Variants in IRAG1 observed in about 807,000 individuals in gnomAD.
IRAG1 encodes IP3R-associated cGMP kinase substrate.
Under a neutral mutation model 106.2 loss-of-function variants are expected in IRAG1, and 62 were observed. The ratio of observed to expected loss-of-function variants is 0.58; its 90% CI spans 0.48 to 0.72. IRAG1 has a LOEUF of 0.72. Among genes scored for constraint, IRAG1 ranks in the 30% least tolerant of loss-of-function variants. IRAG1 has a pLI of 0.00. For missense variants in IRAG1, 1,064 were observed against 1,140.7 expected (o/e 0.93, Z 0.97); for synonymous variants, 462 against 443.9 (o/e 1.04, Z -0.51).
rs1243423465 is a variant in IRAG1, at chr11:10,594,152, C to T, written c.2061G>A (p.Leu687=). ...PRTARSMSLT[L]GKNMPRRRVS... ...ATTCCTTGAACATGCATACCTTTCC[C>T]AGCGTGAGGGACATGGACCGTGCCG... Residue 687 remains leucine (L), a synonymous_variant, in exon 16 of 21, where the codon CTG becomes CTA. Coordinates refer to ENST00000423302, the MANE Select transcript of IRAG1 (RefSeq NM_130385.4). The T allele has an allele frequency of 9.9e-6, 16 of 1,608,294 alleles. No homozygotes were observed. Among genetic ancestry groups the T allele is most frequent in the African/African-American group, 4.0e-5 (3 of 74,966 alleles).
At position 10,628,849 on chromosome 11, in the gene IRAG1, T is replaced by C; in HGVS notation, c.575-21A>G. 6.4e-7 allele frequency: 1 copy of C among 1,565,166 alleles called. No homozygotes were observed. Among genetic ancestry groups the C allele is most frequent in the Non-Finnish European group, 8.6e-7 (1 of 1,156,162 alleles). On this transcript the variant is annotated intron_variant, in intron 5 of 20. Transcript: ENST00000423302. This position sits in a 1 kb window ranked among gnomAD's most constrained non-coding sequence, Gnocchi z 4.1. ...AACAGCTGTGAAGACAGACACAAAT[T>C]GGCTGGCATTCATGAAGGTTTAGGA...
rs1856253033 is a variant in IRAG1 at position 10,626,479 on chromosome 11, A to C, written c.855T>G (p.Ile285Met). The C allele has an allele frequency of 1.2e-6, 2 of 1,613,596 alleles. No homozygotes were observed. Among genetic ancestry groups the C allele is most frequent in the Admixed American group, 1.7e-5 (1 of 59,996 alleles). The stretch of plus-strand genomic sequence containing the variant: ...CGAAGTTTTCCTTTTGTTCTATTGC[A>C]ATCTCTTTGGACTTCTCAACTGGAG... ...RPPPVEKSKE[I>M]AIEQKENFDP... The change falls in exon 9 of 21, where the codon ATT becomes ATG. Residue 285 changes from isoleucine (I) to methionine (M), a missense_variant. Physicochemically the swap from Ile to Met is conservative, Grantham distance 10 (BLOSUM62 1). Coordinates refer to ENST00000423302, the MANE Select transcript of IRAG1 (RefSeq NM_130385.4).
intron 19 of IRAG1, among the ~76,000 whole-genome samples, chr11:10,580,930 G>A (rs1460051260): frequency 6.6e-6 from 1 of 152,218 alleles, no homozygotes; most frequent in Non-Finnish European, 1.5e-5. Context: ...TGGAGCTTCA[G>A]CCTCTCATCT....
At chr11:10,611,625 C>T (rs956207667) in intron 10 of IRAG1, 1 of 151,998 alleles carries the variant, frequency 6.6e-6, no homozygotes, top group African/African-American at 2.4e-5. Context: ...CTCTAAGATA[C>T]AAGAAAAGGC....
chr11:10,636,717 T>C (rs1857171378), intron 2 of IRAG1, among the ~76,000 whole-genome samples: 1 of 152,114 alleles, frequency 6.6e-6, no homozygotes, highest in East Asian at 1.9e-4. Context: ...CTGTGAAAGC[T>C]CAGAGGAAGG....
chr11:10,635,282 C>T (rs1480238718), intron 2 of IRAG1, among the ~76,000 whole-genome samples: 1 of 152,198 alleles, frequency 6.6e-6, no homozygotes, highest in Non-Finnish European at 1.5e-5. Context: ...CTCCTTCCCA[C>T]CCCCTTGACT....
intron 18 of IRAG1, 41 bp from the exon 19 acceptor site, chr11:10,582,027 A>C (rs1304972784): frequency 1.9e-6 from 3 of 1,579,214 alleles, no homozygotes; most frequent in Admixed American, 1.8e-5. Context: ...TTTCAGAAAA[A>C]GGTGGAGGCC....
chr11:10,675,378 G>C (rs1376021244), intron 1 of IRAG1, among the ~76,000 whole-genome samples: 1 of 152,170 alleles, frequency 6.6e-6, no homozygotes, highest in Non-Finnish European at 1.5e-5. Flanking sequence ...TCCCAAACAG[G>C]AAATGCTAAT....
chr11:10,693,639 G>T lies in IRAG1; in HGVS notation c.-37C>A. 6.5e-7 allele frequency: 1 copy of T among 1,533,632 alleles called. No homozygotes were observed. The highest frequency in any genetic ancestry group is 8.7e-7 in the Non-Finnish European group (1 of 1,146,480). The stretch of plus-strand genomic sequence containing the variant: ...GTTACATCTGGCTCCGGAGCTCAGA[G>T]CCGAGAAGCCTCTGGCTGCAGAACC... On this transcript the variant is annotated 5_prime_UTR_variant, in exon 1 of 21. Coordinates refer to ENST00000423302, the MANE Select transcript of IRAG1 (RefSeq NM_130385.4).
Position 10,576,168 on chromosome 11 carries a change from T to G in IRAG1, c.*164A>C. On this transcript the variant is annotated 3_prime_UTR_variant, in exon 21 of 21. Transcript: ENST00000423302. ...ATCCTCCAAGAACATCAAGTCACTG[T>G]GTATGAATAGCTCCCACAGAAGTGC... 1 of 855,712 alleles carries G rather than the reference T, an allele frequency of 1.2e-6. No homozygotes were observed. The allele number at this position is 855,712 out of a possible 1,614,324, so 53.0% of individuals were successfully genotyped here. A position where few individuals can be genotyped will look rare whatever the true frequency, so the allele number is the denominator to read the frequency against.
At position 10,628,490 on chromosome 11, in the gene IRAG1, C is replaced by G. The variant is rs755477075; in HGVS notation, c.652+261G>C. Among the ~76,000 whole-genome samples the G allele has an allele frequency of 7.6e-4, 115 of 152,212 alleles. No homozygotes were observed. The highest frequency in any genetic ancestry group is 1.3e-3 in the Non-Finnish European group (88 of 68,024). On this transcript the variant is annotated intron_variant, in intron 6 of 20. Coordinates refer to ENST00000423302, the MANE Select transcript of IRAG1 (RefSeq NM_130385.4). The surrounding 1 kb of genome is among the most constrained non-coding windows in gnomAD (Gnocchi z 4.1). ...GAGCCAGAGAGGCTGTCCTAGTCCC[C>G]TTTCCCACCCAGCCTTCCTGACCCT...
Position 10,629,566 on chromosome 11 carries a change from G to A in IRAG1, c.546C>T (p.Ser182=), listed in dbSNP as rs746193374. 1 of 1,613,938 alleles carries A rather than the reference G, an allele frequency of 6.2e-7. No homozygotes were observed. The highest frequency in any genetic ancestry group is 1.7e-5 in the Admixed American group (1 of 60,022). ...ERFLTRRGRK[S]RSSPGDSPSA... ...ATGGGGAGTCTCCGGGGCTGCTCCT[G>A]GACTTCCTCCCACGGCGGGTCAGGA... is the stretch of plus-strand genomic sequence containing the variant. Residue 182 remains serine (S), a synonymous_variant, in exon 5 of 21, where the codon TCC becomes TCT. Transcript: ENST00000423302.
intron 1 of IRAG1, among the ~76,000 whole-genome samples, chr11:10,656,371 G>A (rs1370597600): frequency 6.6e-6 from 1 of 152,186 alleles, no homozygotes; most frequent in African/African-American, 2.4e-5. Context: ...TTACAGGCCG[G>A]GAAACTGAGG....
chr11:10,646,497 C>T (rs1043598836), intron 2 of IRAG1, among the ~76,000 whole-genome samples: 2 of 152,124 alleles, frequency 1.3e-5, no homozygotes, highest in African/African-American at 4.8e-5. Context: ...TATTTCTGAG[C>T]CAAAACAGGA....
At chr11:10,608,568 A>C (rs1480598131) in intron 11 of IRAG1, among the ~76,000 whole-genome samples, 1 of 152,208 alleles carries the variant, frequency 6.6e-6, no homozygotes, top group African/African-American at 2.4e-5. Flanking sequence ...AAATGGGCAT[A>C]GGTACCCGGG....
At position 10,627,771 on chromosome 11, in the gene IRAG1, A is replaced by G; in HGVS notation, c.706-11T>C. On this transcript the variant is annotated splice_polypyrimidine_tract_variant and intron_variant, in intron 7 of 20. Coordinates refer to ENST00000423302, the MANE Select transcript of IRAG1 (RefSeq NM_130385.4). ...GGCCTCATCCCCCTTCTGCTGGAGA[A>G]GGTGAACAGGAGTCAGTCAGCAATG... The G allele has an allele frequency of 6.2e-7, 1 of 1,613,976 alleles. No individual in the cohort carries two copies. The highest frequency in any genetic ancestry group is 8.5e-7 in the Non-Finnish European group (1 of 1,179,882).
chr11:10,693,606 AG>A lies in IRAG1; in HGVS notation c.-5del, dbSNP rs898158563. ...CACTCTGGGGAGCTTTTACCATTTAAGGTCAATGTTACATCTGGCTCCGGAG... is the reference window on the plus strand; with the variant it reads ...CACTCTGGGGAGCTTTTACCATTTAAGTCAATGTTACATCTGGCTCCGGAG... On this transcript the variant is annotated 5_prime_UTR_variant, in exon 1 of 21. Transcript: ENST00000423302. 1 of 1,534,818 alleles carries A rather than the reference AG, an allele frequency of 6.5e-7. No individual in the cohort carries two copies. The highest frequency in any genetic ancestry group is 8.7e-7 in the Non-Finnish European group (1 of 1,146,872).
At chr11:10,633,183 T>C (rs1370912335) in intron 3 of IRAG1, among the ~76,000 whole-genome samples, 2 of 150,706 alleles carry the variant, frequency 1.3e-5, no homozygotes, top group Non-Finnish European at 3.0e-5. Flanking sequence ...CACGCCATTC[T>C]CCTGCCTCAG....
rs558098341 is a variant in IRAG1, at chr11:10,633,200, G to A, written c.329+768C>T. Among the ~76,000 whole-genome samples, 34 of 150,630 alleles carry A rather than the reference G, an allele frequency of 2.3e-4. 1 individual carries two copies. Among genetic ancestry groups the A allele is most frequent in the East Asian group, 5.9e-4 (3 of 5,074 alleles). On this transcript the variant is annotated intron_variant, in intron 3 of 20. Coordinates refer to ENST00000423302, the MANE Select transcript of IRAG1 (RefSeq NM_130385.4). ...CGCCATTCTCCTGCCTCAGCCTCCCGAGTAGCTGGGACTACAGGCGCCCGC... is the reference window on the plus strand; with the variant it reads ...CGCCATTCTCCTGCCTCAGCCTCCCAAGTAGCTGGGACTACAGGCGCCCGC...
Sources: allele counts gnomAD v4.1 joint callset (sites outside exome capture counted in the v4.1 genomes callset), GRCh38; gene constraint gnomAD v4.1.1; non-coding constraint Gnocchi (gnomAD v3.1); transcripts MANE v1.5; gene names NCBI Gene and HGNC (gene_info 2026-07-23, HGNC 2026-07-21).